ARHGAP21: variants seen among roughly 807,000 people sequenced by gnomAD.
The protein encoded by ARHGAP21 is rho GTPase-activating protein 21.
In ARHGAP21, 38 loss-of-function variants were observed where a neutral mutation model predicts 164.6. The observed-to-expected ratio is 0.23, with a 90% CI of 0.18 to 0.30. ARHGAP21 has a LOEUF of 0.30. ARHGAP21 is among the 10% of genes least tolerant of loss of function. The pLI, the probability that ARHGAP21 is intolerant of heterozygous loss-of-function variation, is 1.00. For synonymous variants in ARHGAP21, 766 were observed against 857.9 expected, an observed-to-expected ratio of 0.89 and a Z score of 1.87; for missense variants, 1,822 against 2,370.7, an observed-to-expected ratio of 0.77 and a Z score of 4.81.
chr10:24,651,316 G>A (rs1838139406), intron 4 of ARHGAP21, among the ~76,000 whole-genome samples: 1 of 152,210 alleles, frequency 6.6e-6, no homozygotes, highest in Non-Finnish European at 1.5e-5. Flanking sequence ...CTGTGCTGCA[G>A]GCTGGGGCCC....
intron 4 of ARHGAP21, among the ~76,000 whole-genome samples, chr10:24,659,186 G>GTA (rs1395104390): frequency 6.6e-6 from 1 of 152,142 alleles, no homozygotes; most frequent in Non-Finnish European, 1.5e-5. Flanking sequence ...CTATTCCTAG[G>GTA]TATAACCTCC....
Position 24,598,474 on chromosome 10 carries a change from T to C in ARHGAP21, c.3133-465A>G, listed in dbSNP as rs116496848. 3.5e-4 allele frequency among the ~76,000 whole-genome samples: 54 copies of C among 152,338 alleles called. 1 individual carries two copies. The highest frequency in any genetic ancestry group is 1.3e-3 in the African/African-American group (54 of 41,582). ...TTAGTGACTGACTAATTTTTAAGGA[T>C]AGTGAAACCAAGGATCAACTAGTAT... is the stretch of plus-strand genomic sequence containing the variant. On this transcript the variant is annotated intron_variant, in intron 14 of 25. Transcript: ENST00000396432.
In ARHGAP21 at chr10:24,652,101, A is replaced by T. The variant is rs1249605943; in HGVS notation, c.268+14884T>A. Among the ~76,000 whole-genome samples the T allele has an allele frequency of 2.6e-5, 4 of 152,278 alleles. No individual in the cohort carries two copies. The East Asian group carries it at 5.8e-4, about 22-fold the overall frequency. ...CGTCGCATATTCTTCTTTTTTTAACAACCCTATAAAAATACAGATCTATTC... is the reference window on the plus strand; with the variant it reads ...CGTCGCATATTCTTCTTTTTTTAACTACCCTATAAAAATACAGATCTATTC... On this transcript the variant is annotated intron_variant, in intron 4 of 25. Coordinates refer to ENST00000396432, the MANE Select transcript of ARHGAP21 (RefSeq NM_020824.4).
chr10:24,706,986 G>A (rs1050537378), intron 2 of ARHGAP21, among the ~76,000 whole-genome samples: 13 of 152,188 alleles, frequency 8.5e-5, no homozygotes, highest in Admixed American at 8.5e-4. Flanking sequence ...ACACAAGGCT[G>A]TGCCATCATC....
chr10:24,628,326 A>G (rs1835343230), intron 7 of ARHGAP21, among the ~76,000 whole-genome samples: 1 of 152,232 alleles, frequency 6.6e-6, no homozygotes, highest in Non-Finnish European at 1.5e-5. Context: ...CCTAAGTAAA[A>G]TCTACATGCC....
chr10:24,671,504 C>G (rs917211209), intron 2 of ARHGAP21, among the ~76,000 whole-genome samples: 1 of 152,028 alleles, frequency 6.6e-6, no homozygotes, highest in African/African-American at 2.4e-5. Flanking sequence ...AACCTGCAAC[C>G]GTGCCCATGT....
intron 2 of ARHGAP21, among the ~76,000 whole-genome samples, chr10:24,713,429 G>A (rs1565206367): frequency 6.6e-6 from 1 of 152,054 alleles, no homozygotes; most frequent in Non-Finnish European, 1.5e-5. Flanking sequence ...TAACTTCCCT[G>A]TTTTTTTATT....
At chr10:24,723,238 G>C (rs570313750) in intron 1 of ARHGAP21, 18 of 151,176 alleles carry the variant, frequency 1.2e-4, no homozygotes, top group Non-Finnish European at 1.8e-4. Flanking sequence ...GGGCCCGGCC[G>C]GGACGCGCTA....
intron 9 of ARHGAP21, among the ~76,000 whole-genome samples, chr10:24,618,654 G>C (rs1593046533): frequency 6.6e-6 from 1 of 152,216 alleles, no homozygotes; most frequent in Non-Finnish European, 1.5e-5. Flanking sequence ...AAGGAGGCTG[G>C]TGAGGCTGCA....
At chr10:24,688,591 A>T (rs898205223) in intron 2 of ARHGAP21, among the ~76,000 whole-genome samples, 1 of 152,218 alleles carries the variant, frequency 6.6e-6, no homozygotes, top group African/African-American at 2.4e-5. Flanking sequence ...AACTTATAGA[A>T]GATGACGAAA....
rs1430195371 is a variant in ARHGAP21 at position 24,597,464 on chromosome 10, C to G, written c.3317G>C (p.Arg1106Thr). ...SPHSPKEESE[R>T]KLLSKDDTSP... ...ATCAATACCTTTACTGAGAAGTTTCCTTTCCGACTCTTCCTTCGGAGAGTG... is the reference window on the plus strand; with the variant it reads ...ATCAATACCTTTACTGAGAAGTTTCGTTTCCGACTCTTCCTTCGGAGAGTG... The change falls in exon 16 of 26, where the codon AGG becomes ACG. Residue 1106 changes from arginine to threonine, a missense_variant. This residue lies in a region of ARHGAP21 where 1,090 missense variants were observed against 1,378.9 expected (regional missense o/e 0.79). Transcript: ENST00000396432. 3.1e-6 allele frequency: 5 copies of G among 1,613,176 alleles called. No homozygotes were observed. The East Asian group carries it at 1.1e-4, about 36-fold the overall frequency.
At chr10:24,622,433 CATATATAT>C (rs10530408) in intron 8 of ARHGAP21, among the ~76,000 whole-genome samples, 1,035 of 89,294 alleles carry the variant, frequency 0.012, 12 homozygotes, top group African/African-American at 0.016. Context: ...ACTTAAAAAA[CATATATAT>C]ATATATATAT....
chr10:24,633,240 A>ATAGC (rs772681314), intron 6 of ARHGAP21, among the ~76,000 whole-genome samples, 162 bp downstream of exon 6: 16 of 152,198 alleles, frequency 1.1e-4, no homozygotes, highest in Non-Finnish European at 2.2e-4. Flanking sequence ...CTATCCTCAG[A>ATAGC]TAGCTGGTCC....
chr10:24,657,572 G>A (rs1839198172), intron 4 of ARHGAP21, among the ~76,000 whole-genome samples: 1 of 131,080 alleles, frequency 7.6e-6, no homozygotes, highest in African/African-American at 3.0e-5. Context: ...CATTGAGAAC[G>A]GGCCAGGATG....
chr10:24,597,895 CTG>C (rs1196021688), intron 15 of ARHGAP21, 48 bp downstream of exon 15: 2 of 1,551,332 alleles, frequency 1.3e-6, no homozygotes, highest in Admixed American at 1.7e-5. Context: ...AGGGGGATGA[CTG>C]TACTGATTTT....
chr10:24,684,901 A>G (rs1842080682), intron 2 of ARHGAP21, among the ~76,000 whole-genome samples: 1 of 152,178 alleles, frequency 6.6e-6, no homozygotes, highest in African/African-American at 2.4e-5. Flanking sequence ...AGCCTCCCAA[A>G]GTGCTGGGAT....
chr10:24,594,587 A>G (rs2076495262), intron 21 of ARHGAP21, among the ~76,000 whole-genome samples: 1 of 150,892 alleles, frequency 6.6e-6, no homozygotes, highest in African/African-American at 2.4e-5. Flanking sequence ...AGGAATGAAA[A>G]TGACTTATCT....
At chr10:24,638,102 T>G (rs1470672114) in intron 4 of ARHGAP21, among the ~76,000 whole-genome samples, 1 of 152,176 alleles carries the variant, frequency 6.6e-6, no homozygotes, top group Middle Eastern at 3.4e-3. Context: ...CCTGACCTTG[T>G]GATCCACCCT....
chr10:24,594,777 G>A (rs1332934619), intron 21 of ARHGAP21, among the ~76,000 whole-genome samples, 173 bp downstream of exon 21: 1 of 152,030 alleles, frequency 6.6e-6, no homozygotes, highest in East Asian at 1.9e-4. Flanking sequence ...TTTTAAAATG[G>A]TGACAACTGG....
Sources: allele counts gnomAD v4.1 joint callset (sites outside exome capture counted in the v4.1 genomes callset), GRCh38; gene constraint gnomAD v4.1.1; regional missense constraint gnomAD v4.1.1; transcripts MANE v1.5; gene names NCBI Gene and HGNC (gene_info 2026-07-23, HGNC 2026-07-21).